Variants in MACROD2 observed in about 807,000 individuals in gnomAD.
MACROD2 encodes the protein ADP-ribose glycohydrolase MACROD2.
A neutral mutation model predicts 70.4 loss-of-function variants in MACROD2; 36 were observed. The observed-to-expected ratio is 0.51, with a 90% confidence interval of 0.39 to 0.68. The LOEUF (loss-of-function observed/expected upper bound fraction) is 0.68, where lower values mean the gene tolerates loss of function less well. MACROD2 is among the 30% of genes least tolerant of loss of function. The pLI is 0.00. For synonymous variants in MACROD2, 172 were observed against 178.8 expected, an observed-to-expected ratio of 0.96 and a Z score of 0.30; for missense variants, 496 against 538.4, an observed-to-expected ratio of 0.92 and a Z score of 0.78.
intron 2 of MACROD2, among the ~76,000 whole-genome samples, chr20:14,066,484 A>G (rs561461235): frequency 2.6e-5 from 4 of 152,340 alleles, no homozygotes; most frequent in African/African-American, 9.6e-5. Context: ...CAAAATGACA[A>G]CATTTTAAAA....
chr20:15,933,164 G>C lies in MACROD2; in HGVS notation c.776-112G>C. 7.3e-6 allele frequency: 7 copies of C among 962,056 alleles called. No individual in the cohort carries two copies. The South Asian group carries it at 1.1e-4, about 15-fold the overall frequency. 59.6% of individuals were successfully genotyped at this position (962,056 alleles called of 1,614,324 possible). ...ATTCATCTCTCTGCCTGGCTTTATGGGGAGTCATGCTACATTGGTTACAAT... is the reference window on the plus strand; with the variant it reads ...ATTCATCTCTCTGCCTGGCTTTATGCGGAGTCATGCTACATTGGTTACAAT... On this transcript the variant is annotated intron_variant, in intron 10 of 17. Coordinates refer to ENST00000684519, the MANE Select transcript of MACROD2 (RefSeq NM_001351661.2).
chr20:14,512,283 A>C (rs1351947430), intron 4 of MACROD2, among the ~76,000 whole-genome samples: 1 of 152,110 alleles, frequency 6.6e-6, no homozygotes, highest in Non-Finnish European at 1.5e-5. Context: ...CCCATGCTGA[A>C]GCATTCCCCA....
chr20:14,179,700 C>T (rs1282727918), intron 3 of MACROD2, among the ~76,000 whole-genome samples: 2 of 151,958 alleles, frequency 1.3e-5, no homozygotes, highest in East Asian at 1.9e-4. Flanking sequence ...TGTTTGGGGA[C>T]GTTTTACCAA....
chr20:14,869,770 G>C (rs1228827984), intron 5 of MACROD2, among the ~76,000 whole-genome samples: 1 of 152,082 alleles, frequency 6.6e-6, no homozygotes, highest in Admixed American at 6.5e-5. Context: ...ATTGTAGAGA[G>C]CAGCCATTAT....
At chr20:14,120,499 T>A (rs1312536611) in intron 3 of MACROD2, among the ~76,000 whole-genome samples, 1 of 151,978 alleles carries the variant, frequency 6.6e-6, no homozygotes, top group Non-Finnish European at 1.5e-5. Context: ...AAATACCATT[T>A]GACCCAGCAA....
chr20:15,683,948 A>G (rs2050194075), intron 8 of MACROD2, among the ~76,000 whole-genome samples: 1 of 152,202 alleles, frequency 6.6e-6, no homozygotes, highest in Non-Finnish European at 1.5e-5. Context: ...TTCAAAATGA[A>G]TGGTGCATGA....
At chr20:15,299,706 T>A in intron 6 of MACROD2, among the ~76,000 whole-genome samples, 1 of 152,312 alleles carries the variant, frequency 6.6e-6, no homozygotes, top group African/African-American at 2.4e-5. Flanking sequence ...TATGTATATT[T>A]CACATACCTA....
intron 8 of MACROD2, among the ~76,000 whole-genome samples, chr20:15,778,400 C>T (rs1183618761): frequency 6.6e-6 from 1 of 151,962 alleles, no homozygotes; most frequent in Non-Finnish European, 1.5e-5. Flanking sequence ...TTACTCTGAG[C>T]TCTATTACTC....
Position 13,995,853 on chromosome 20 carries a change from A to C in MACROD2, c.46+44A>C. On this transcript the variant is annotated intron_variant, in intron 1 of 17. Coordinates refer to ENST00000684519, the MANE Select transcript of MACROD2 (RefSeq NM_001351661.2). This position sits in a 1 kb window ranked among gnomAD's most constrained non-coding sequence, Gnocchi z 4.3. Reference sequence around the variant, plus strand: ...CCTGGGGGTGCGGGCGGTGGGGGTTAGGGTGGGGGCGGGGGTCAGGCTGTG... The same window carrying C: ...CCTGGGGGTGCGGGCGGTGGGGGTTCGGGTGGGGGCGGGGGTCAGGCTGTG... 4.7e-5 allele frequency: 14 copies of C among 299,706 alleles called. No homozygotes were observed. The highest frequency in any genetic ancestry group is 8.0e-5 in the Non-Finnish European group (13 of 162,178). The allele number at this position is 299,706 out of a possible 1,614,324, so 18.6% of individuals were successfully genotyped here.
intron 6 of MACROD2, among the ~76,000 whole-genome samples, chr20:15,317,231 A>G (rs2077820717): frequency 6.6e-6 from 1 of 152,086 alleles, no homozygotes; most frequent in Admixed American, 6.5e-5. Context: ...GAAATAGAGG[A>G]TAGAAAAACA....
At chr20:15,519,685 C>T (rs73897646) in intron 8 of MACROD2, among the ~76,000 whole-genome samples, 2,602 of 152,290 alleles carry the variant, frequency 0.017, 77 homozygotes, top group African/African-American at 0.059. Flanking sequence ...TCTTACTCCT[C>T]AAATGAGTAA....
chr20:14,581,272 C>G (rs183679508), intron 4 of MACROD2, among the ~76,000 whole-genome samples: 2 of 152,284 alleles, frequency 1.3e-5, no homozygotes, highest in Admixed American at 1.3e-4. Context: ...ACCTGGAGAA[C>G]TCTAAAAAAT....
At chr20:15,315,594 C>A (rs1190581575) in intron 6 of MACROD2, among the ~76,000 whole-genome samples, 1 of 152,128 alleles carries the variant, frequency 6.6e-6, no homozygotes, top group African/African-American at 2.4e-5. Context: ...AATTCTATAT[C>A]TGACAAAATT....
chr20:14,131,443 A>G (rs917494133), intron 3 of MACROD2, among the ~76,000 whole-genome samples: 2 of 152,230 alleles, frequency 1.3e-5, no homozygotes, highest in African/African-American at 4.8e-5. Context: ...TCAAATAGGC[A>G]TTTGCTTATG....
chr20:15,819,221 A>C (rs1336308854), intron 8 of MACROD2, among the ~76,000 whole-genome samples: 2 of 129,324 alleles, frequency 1.5e-5, no homozygotes, highest in Non-Finnish European at 3.0e-5. Flanking sequence ...ATATAAAAAT[A>C]TATATATTTA....
rs141427513 is a variant in MACROD2, at chr20:15,417,478, G to T, written c.541-13927G>T. ...ATGGGTATGCTGGTGCGTGCCTGTA[G>T]TTCCCAACTACTGGGGAGGCTGAGA... On this transcript the variant is annotated intron_variant, in intron 6 of 17. Coordinates refer to ENST00000684519, the MANE Select transcript of MACROD2 (RefSeq NM_001351661.2). Among the ~76,000 whole-genome samples the T allele has an allele frequency of 5.8e-3, 874 of 151,184 alleles. 3 individuals are homozygous for T. Among genetic ancestry groups the T allele is most frequent in the African/African-American group, 0.02 (832 of 41,132 alleles).
At position 14,587,345 on chromosome 20, in the gene MACROD2, G is replaced by T. The variant is rs187291891; in HGVS notation, c.301+93837G>T. Reference sequence around the variant, plus strand: ...TAGTTTTCTTGTGAACTATTATATTGTCTGCACTTAATTAGAGCTTCGTCT... The same window carrying T: ...TAGTTTTCTTGTGAACTATTATATTTTCTGCACTTAATTAGAGCTTCGTCT... On this transcript the variant is annotated intron_variant, in intron 4 of 17. Transcript: ENST00000684519. Among the ~76,000 whole-genome samples the T allele has an allele frequency of 5.4e-3, 821 of 151,186 alleles. 4 individuals are homozygous for T. Among genetic ancestry groups the T allele is most frequent in the Middle Eastern group, 0.039 (8 of 206 alleles).
intron 3 of MACROD2, among the ~76,000 whole-genome samples, chr20:14,490,226 G>GA (rs2084779561): frequency 6.6e-6 from 1 of 152,028 alleles, no homozygotes; most frequent in Non-Finnish European, 1.5e-5. Context: ...TCAAATGAAA[G>GA]AAAAAATTCT....
At chr20:15,110,576 G>A (rs1303259332) in intron 5 of MACROD2, among the ~76,000 whole-genome samples, 1 of 152,130 alleles carries the variant, frequency 6.6e-6, no homozygotes, top group Non-Finnish European at 1.5e-5. Context: ...GTGAATACTG[G>A]GCTATTTATA....
Sources: gnomAD v4.1 joint callset for allele counts (sites outside exome capture counted in the v4.1 genomes callset) on GRCh38, gnomAD v4.1.1 for gene constraint, Gnocchi (gnomAD v3.1) non-coding constraint, MANE v1.5 for transcripts, NCBI Gene and HGNC (gene_info 2026-07-23, HGNC 2026-07-21) for gene names.